The following OTULINL variants were observed in gnomAD, a reference collection of about 807,000 sequenced individuals.
OTULINL encodes OTU deubiquitinase with linear linkage specificity like.
OTULINL carries 42 observed loss-of-function variants against 43.9 expected under a neutral mutation model. That is an observed-to-expected ratio of 0.96 (90% CI 0.75 to 1.24). The LOEUF is 1.24. Ranked by LOEUF, OTULINL falls within the 50% of genes most tolerant of loss-of-function variation. OTULINL has a pLI of 0.00. For missense variants in OTULINL, 411 were observed against 426.4 expected, an observed-to-expected ratio of 0.96 and a Z score of 0.32; for synonymous variants, 172 against 153.6, an observed-to-expected ratio of 1.12 and a Z score of -0.88.
At chr5:14,606,289 G>A (rs948958599) in intron 5 of OTULINL, among the ~76,000 whole-genome samples, 2 of 152,120 alleles carry the variant, frequency 1.3e-5, no homozygotes, top group Non-Finnish European at 2.9e-5. Flanking sequence ...GACCAGCACA[G>A]GAAAAAGACT....
At chr5:14,584,509 C>A (rs899090941) in intron 1 of OTULINL, among the ~76,000 whole-genome samples, 3 of 152,086 alleles carry the variant, frequency 2.0e-5, no homozygotes, top group Non-Finnish European at 4.4e-5. Context: ...GAGTTTAATG[C>A]TAAATCAGAA....
At chr5:14,597,070 T>TA (rs769276730) in intron 1 of OTULINL, among the ~76,000 whole-genome samples, 54 of 152,334 alleles carry the variant, frequency 3.5e-4, no homozygotes, top group Middle Eastern at 3.4e-3. Flanking sequence ...CTCTTCTACT[T>TA]ACTGGCCGAG....
At chr5:14,602,407 G>A (rs956912237) in intron 5 of OTULINL, 75 bp downstream of exon 5, 19 of 1,387,540 alleles carry the variant, frequency 1.4e-5, no homozygotes, top group Non-Finnish European at 1.9e-5. Flanking sequence ...GTCTTTGGGG[G>A]CTTTGTACTC....
rs1759614380 is a variant in OTULINL at position 14,613,414 on chromosome 5, T to A, written c.*3100T>A. Among the ~76,000 whole-genome samples the A allele has an allele frequency of 6.6e-6, 1 of 152,186 alleles. No individual in the cohort carries two copies. The highest frequency in any genetic ancestry group is 2.4e-5 in the African/African-American group (1 of 41,448). ...TCTTTTCATCATACCTCTTCTAATCTGAGTATTTCCTCTGGGCTTAAAAGA... is the reference window on the plus strand; with the variant it reads ...TCTTTTCATCATACCTCTTCTAATCAGAGTATTTCCTCTGGGCTTAAAAGA... On this transcript the variant is annotated 3_prime_UTR_variant, in exon 8 of 8. Transcript: ENST00000274217.
chr5:14,590,501 C>T (rs1370453748), intron 1 of OTULINL, among the ~76,000 whole-genome samples: 3 of 152,194 alleles, frequency 2.0e-5, no homozygotes, highest in African/African-American at 7.2e-5. Flanking sequence ...AGCCACTGGT[C>T]TCCCTTTAGG....
rs535658959 is a variant in OTULINL at position 14,610,540 on chromosome 5, C to G, written c.*226C>G. The G allele has an allele frequency of 1.7e-5, 8 of 462,802 alleles. No homozygotes were observed. In the East Asian group the frequency reaches 2.8e-4, roughly 16 times the overall value. 28.7% of individuals were successfully genotyped at this position (462,802 alleles called of 1,614,324 possible). On this transcript the variant is annotated 3_prime_UTR_variant, in exon 8 of 8. Transcript: ENST00000274217. ...ATACATTTGGGAGTTGGTGGCTTGACTTTGTCCATAAGGGGCGTGGCCACT... is the reference window on the plus strand; with the variant it reads ...ATACATTTGGGAGTTGGTGGCTTGAGTTTGTCCATAAGGGGCGTGGCCACT...
chr5:14,607,297 C>T (rs1759499561), intron 5 of OTULINL, 33 bp from the exon 6 acceptor site: 1 of 1,609,608 alleles, frequency 6.2e-7, no homozygotes. Flanking sequence ...CGTTCATATG[C>T]TAATCATAGT....
At chr5:14,591,962 G>A (rs1249507863) in intron 1 of OTULINL, among the ~76,000 whole-genome samples, 1 of 152,082 alleles carries the variant, frequency 6.6e-6, no homozygotes, top group East Asian at 1.9e-4. Flanking sequence ...AAATTTCAAT[G>A]TCCATACATA....
In OTULINL at chr5:14,610,196, T is replaced by C. The variant is rs772973838; in HGVS notation, c.953T>C (p.Leu318Pro). 2.5e-6 allele frequency: 4 copies of C among 1,614,148 alleles called. No homozygotes were observed. Among genetic ancestry groups the C allele is most frequent in the Non-Finnish European group, 3.4e-6 (4 of 1,179,982 alleles). Residue 318 changes from leucine to proline, a missense_variant, in exon 8 of 8, where the codon CTG (leucine) becomes CCG (proline). Coordinates refer to ENST00000274217, the MANE Select transcript of OTULINL (RefSeq NM_019018.3). Reference sequence around the variant, plus strand: ...GAAGTAAAGATAAAAGTGTTCAGACTGTTCAAGTTTAACTCCAGAGACTTT... The same window carrying C: ...GAAGTAAAGATAAAAGTGTTCAGACCGTTCAAGTTTAACTCCAGAGACTTT... Reference protein sequence around the residue: ...SLEVKIKVFRLFKFNSRDFEV... With the variant: ...SLEVKIKVFRPFKFNSRDFEV...
intron 1 of OTULINL, among the ~76,000 whole-genome samples, chr5:14,583,414 T>C (rs1417219196): frequency 1.3e-5 from 2 of 152,342 alleles, no homozygotes; most frequent in African/African-American, 4.8e-5. Context: ...CTTTTTATTA[T>C]GTTATTTTCT....
In OTULINL at chr5:14,608,781, A is replaced by G; in HGVS notation, c.661A>G (p.Lys221Glu). ...ATTTAATGGCATTAGAGATTATCACAAGAGAGGAAGTATGTGCAACACCCT... is the reference window on the plus strand; with the variant it reads ...ATTTAATGGCATTAGAGATTATCACGAGAGAGGAAGTATGTGCAACACCCT... ...TEFNGIRDYH[K>E]RGSMCNTLFS... Residue 221 changes from lysine (K) to glutamate (E), a missense_variant, in exon 7 of 8, where the codon AAG (lysine) becomes GAG (glutamate). By Grantham distance (56) the Lys-to-Glu change is moderately conservative. Transcript: ENST00000274217. 2 of 1,611,780 alleles carry G rather than the reference A, an allele frequency of 1.2e-6. No individual in the cohort carries two copies. Among genetic ancestry groups the G allele is most frequent in the Non-Finnish European group, 1.7e-6 (2 of 1,178,156 alleles).
chr5:14,610,525 G>A lies in OTULINL; in HGVS notation c.*211G>A. 1 of 496,170 alleles carries A rather than the reference G, an allele frequency of 2.0e-6. No individual in the cohort carries two copies. The highest frequency in any genetic ancestry group is 3.3e-5 in the Admixed American group (1 of 29,946). 30.7% of individuals were successfully genotyped at this position (496,170 alleles called of 1,614,324 possible). A position where few individuals can be genotyped will look rare whatever the true frequency, so the allele number is the denominator to read the frequency against. ...GAAGCAGCTGCACTGATACATTTGG[G>A]AGTTGGTGGCTTGACTTTGTCCATA... On this transcript the variant is annotated 3_prime_UTR_variant, in exon 8 of 8. Coordinates refer to ENST00000274217, the MANE Select transcript of OTULINL (RefSeq NM_019018.3).
At chr5:14,593,181 A>T (rs556951331) in intron 1 of OTULINL, among the ~76,000 whole-genome samples, 1 of 152,302 alleles carries the variant, frequency 6.6e-6, no homozygotes, top group South Asian at 2.1e-4. Flanking sequence ...ATCAAAGTTG[A>T]TCAATAAAGA....
intron 5 of OTULINL, among the ~76,000 whole-genome samples, chr5:14,603,886 ATGTG>A (rs1021511254): frequency 6.6e-6 from 1 of 152,118 alleles, no homozygotes; most frequent in Admixed American, 6.5e-5. Flanking sequence ...AATATAAAAT[ATGTG>A]TGTGTGTGCG....
At chr5:14,607,939 G>C (rs745789751) in intron 6 of OTULINL, among the ~76,000 whole-genome samples, 3 of 152,076 alleles carry the variant, frequency 2.0e-5, no homozygotes, top group African/African-American at 7.2e-5. Context: ...AACCTTTCTG[G>C]TCCATAGTTT....
In OTULINL at chr5:14,612,030, A is replaced by C. The variant is rs1759591425; in HGVS notation, c.*1716A>C. 6.6e-6 allele frequency: 1 copy of C among 152,240 alleles called. No individual in the cohort carries two copies. Among genetic ancestry groups the C allele is most frequent in the Non-Finnish European group, 1.5e-5 (1 of 68,068 alleles). The allele number at this position is 152,240 out of a possible 1,614,324, so 9.4% of individuals were successfully genotyped here. ...TCATTTTGTTTTCTGGTTGAAGATT[A>C]ATGAGCTCAGCCACAGAAACAAGAG... is the stretch of plus-strand genomic sequence containing the variant. On this transcript the variant is annotated 3_prime_UTR_variant, in exon 8 of 8. Coordinates refer to ENST00000274217, the MANE Select transcript of OTULINL (RefSeq NM_019018.3).
chr5:14,583,741 TC>T (rs1344924972), intron 1 of OTULINL, among the ~76,000 whole-genome samples: 1 of 152,216 alleles, frequency 6.6e-6, no homozygotes, highest in Non-Finnish European at 1.5e-5. Flanking sequence ...TAGTTTCCCT[TC>T]TTTGCCAGTG....
chr5:14,602,486 A>G (rs1759405902), intron 5 of OTULINL, among the ~76,000 whole-genome samples, 154 bp downstream of exon 5: 1 of 152,076 alleles, frequency 6.6e-6, no homozygotes, highest in Admixed American at 6.5e-5. Flanking sequence ...CCCAGGATTG[A>G]GTGTAGTGGG....
chr5:14,607,251 G>T (rs767002294), intron 5 of OTULINL, 79 bp from the exon 6 acceptor site: 4 of 1,395,282 alleles, frequency 2.9e-6, no homozygotes, highest in Admixed American at 2.1e-5. Context: ...AGATAAGGTT[G>T]TGTGCTGTGC....
Sources: allele counts gnomAD v4.1 joint callset (sites outside exome capture counted in the v4.1 genomes callset), GRCh38; gene constraint gnomAD v4.1.1; transcripts MANE v1.5; gene names NCBI Gene and HGNC (gene_info 2026-07-23, HGNC 2026-07-21).